The following SEMA6A variants were observed in gnomAD, a reference collection of about 807,000 sequenced individuals.
The protein encoded by SEMA6A is semaphorin-6A.
A neutral mutation model predicts 96.8 loss-of-function variants in SEMA6A; 25 were observed. That is an observed-to-expected ratio of 0.26 (90% CI 0.19 to 0.36). The LOEUF (loss-of-function observed/expected upper bound fraction) is 0.36. SEMA6A is among the 10% of genes least tolerant of loss of function. SEMA6A has a pLI of 1.00. For synonymous variants in SEMA6A, 612 were observed against 518.0 expected (o/e 1.18, Z -2.46); for missense variants, 1,363 against 1,323.1 (o/e 1.03, Z -0.47).
intron 16 of SEMA6A, among the ~76,000 whole-genome samples, chr5:116,474,233 T>C (rs879738633): frequency 1.3e-5 from 2 of 151,760 alleles, no homozygotes; most frequent in Admixed American, 6.6e-5. Context: ...TGAAAATAGC[T>C]CATTAACATC....
At chr5:116,469,968 A>C (rs1048412088) in intron 17 of SEMA6A, among the ~76,000 whole-genome samples, 22 of 152,196 alleles carry the variant, frequency 1.4e-4, no homozygotes, top group African/African-American at 5.3e-4. Context: ...TCTATATGTA[A>C]ATCTAGAGAA....
chr5:116,501,500 T>C (rs1561500675), intron 3 of SEMA6A, among the ~76,000 whole-genome samples: 1 of 152,230 alleles, frequency 6.6e-6, no homozygotes, highest in East Asian at 1.9e-4. Flanking sequence ...TTATCAATGA[T>C]ATATATGTTA....
chr5:116,494,423 T>C (rs1757478184), intron 6 of SEMA6A, among the ~76,000 whole-genome samples: 1 of 152,192 alleles, frequency 6.6e-6, no homozygotes, highest in African/African-American at 2.4e-5. Flanking sequence ...ATCACAGATG[T>C]GATCCCTGCC....
rs1759732318 is a variant in SEMA6A at position 116,536,780 on chromosome 5, G to A, written c.-38-31798C>T. Among the ~76,000 whole-genome samples, 3 of 139,368 alleles carry A rather than the reference G, an allele frequency of 2.2e-5. No homozygotes were observed. The South Asian group carries it at 7.2e-4, about 33-fold the overall frequency. 91.4% of individuals were successfully genotyped at this position (139,368 alleles called of 152,430 possible). ...AGGTACTGCATTGTCCGCGGGAGAT[G>A]TTCTCAGCAGTCAAGGAACAGCTGC... On this transcript the variant is annotated intron_variant, in intron 1 of 18. Transcript: ENST00000343348.
chr5:116,496,826 C>T (rs2112750558), intron 4 of SEMA6A, among the ~76,000 whole-genome samples: 1 of 152,292 alleles, frequency 6.6e-6, no homozygotes, highest in Non-Finnish European at 1.5e-5. Flanking sequence ...ATCTTCTACT[C>T]CTATGGCACA....
intron 7 of SEMA6A, among the ~76,000 whole-genome samples, chr5:116,490,581 G>T (rs926842402): frequency 2.0e-5 from 3 of 152,126 alleles, no homozygotes; most frequent in Non-Finnish European, 4.4e-5. Flanking sequence ...TTGTATTCTT[G>T]ACGGAACTGC....
At chr5:116,504,802 A>C in intron 2 of SEMA6A, 43 bp downstream of exon 2, 1 of 1,445,670 alleles carries the variant, frequency 6.9e-7, no homozygotes, top group Non-Finnish European at 9.6e-7. Flanking sequence ...TCAGGCTAAA[A>C]TGTTCTCAAA....
At chr5:116,477,759 G>GGT in intron 15 of SEMA6A, 87 bp downstream of exon 15, 3 of 1,287,480 alleles carry the variant, frequency 2.3e-6, no homozygotes, top group Non-Finnish European at 3.4e-6. Context: ...GCTGTGTGGT[G>GGT]GTGTGTGTGA....
intron 4 of SEMA6A, 90 bp downstream of exon 4, chr5:116,497,237 A>G: frequency 2.7e-6 from 2 of 743,268 alleles, no homozygotes. Context: ...ATGATTAGCT[A>G]CATCATCTTA....
At chr5:116,571,566 CA>C (rs1190898744) in intron 1 of SEMA6A, among the ~76,000 whole-genome samples, 1 of 152,052 alleles carries the variant, frequency 6.6e-6, no homozygotes, top group Non-Finnish European at 1.5e-5. Context: ...AAGAACGTCC[CA>C]AAACCAAAAT....
intron 16 of SEMA6A, among the ~76,000 whole-genome samples, chr5:116,474,504 C>T (rs944002656): frequency 1.3e-5 from 2 of 152,012 alleles, no homozygotes; most frequent in Non-Finnish European, 2.9e-5. Flanking sequence ...AGAATTTTTG[C>T]CAATATATAA....
intron 1 of SEMA6A, among the ~76,000 whole-genome samples, chr5:116,513,191 G>A (rs1320723291): frequency 1.3e-5 from 2 of 151,880 alleles, no homozygotes; most frequent in Middle Eastern, 3.2e-3. Flanking sequence ...GTAATGGCGC[G>A]ATCTCGGCTC....
At chr5:116,491,293 G>C (rs937846087) in intron 7 of SEMA6A, among the ~76,000 whole-genome samples, 1 of 152,134 alleles carries the variant, frequency 6.6e-6, no homozygotes, top group African/African-American at 2.4e-5. Flanking sequence ...TCATCATGAG[G>C]TCGACATAGA....
rs59202921 is a variant in SEMA6A at position 116,448,170 on chromosome 5, TAAAAAAAA to T, written c.1895-367_1895-360del. Among the ~76,000 whole-genome samples the T allele has an allele frequency of 2.7e-3, 323 of 119,506 alleles. 1 individual carries two copies. Among genetic ancestry groups the T allele is most frequent in the Middle Eastern group, 4.2e-3 (1 of 236 alleles). 78.4% of individuals were successfully genotyped at this position (119,506 alleles called of 152,430 possible). A position where few individuals can be genotyped will look rare whatever the true frequency, so the allele number is the denominator to read the frequency against. On this transcript the variant is annotated intron_variant, in intron 18 of 18. Coordinates refer to ENST00000343348, the MANE Select transcript of SEMA6A (RefSeq NM_020796.5). ...AAGATGGTGAAACCCCCGTCTCTAC[TAAAAAAAA>T]AAAAAAAAAAAAAAAAAATTAGCCA...
In SEMA6A at chr5:116,562,652, C is replaced by CAT. The variant is rs1292942935; in HGVS notation, c.-39+11531_-39+11532dup. ...CGGAGAAAACATATTTGGTGTCCGC[C>CAT]ATATCGTTGCACCCTTCAATGACAC... On this transcript the variant is annotated intron_variant, in intron 1 of 18. Transcript: ENST00000343348. 3 of 701,478 alleles carry CAT rather than the reference C, an allele frequency of 4.3e-6. No homozygotes were observed. In the African/African-American group the frequency reaches 5.3e-5, roughly 12 times the overall value. The allele number at this position is 701,478 out of a possible 1,614,324, so 43.5% of individuals were successfully genotyped here.
intron 10 of SEMA6A, among the ~76,000 whole-genome samples, chr5:116,486,088 G>C (rs546893865): frequency 9.2e-5 from 14 of 152,274 alleles, no homozygotes; most frequent in African/African-American, 3.4e-4. Flanking sequence ...ATTCTCACTA[G>C]AGCCTTCCAG....
At chr5:116,451,180 T>C (rs535631242) in intron 18 of SEMA6A, among the ~76,000 whole-genome samples, 1 of 152,286 alleles carries the variant, frequency 6.6e-6, no homozygotes, top group Non-Finnish European at 1.5e-5. Flanking sequence ...CCTTACTGGA[T>C]TGTTACAAGA....
intron 8 of SEMA6A, 100 bp from the exon 9 acceptor site, chr5:116,488,296 C>T (rs1287817588): frequency 2.3e-5 from 17 of 755,114 alleles, no homozygotes; most frequent in Non-Finnish European, 3.5e-5. Context: ...AAAAGTGTAG[C>T]ACCATTAGAC....
At chr5:116,516,766 G>C (rs905165799) in intron 1 of SEMA6A, among the ~76,000 whole-genome samples, 1 of 152,112 alleles carries the variant, frequency 6.6e-6, no homozygotes, top group African/African-American at 2.4e-5. Flanking sequence ...CAAACATCCT[G>C]AAAATATGCT....
Sources: gnomAD v4.1 joint callset for allele counts (sites outside exome capture counted in the v4.1 genomes callset) on GRCh38, gnomAD v4.1.1 for gene constraint, MANE v1.5 for transcripts, NCBI Gene and HGNC (gene_info 2026-07-23, HGNC 2026-07-21) for gene names.